Variants in TRPM3 observed in about 807,000 individuals in gnomAD.
The protein encoded by TRPM3 is long transient receptor potential channel 3.
A neutral mutation model predicts 181.2 loss-of-function variants in TRPM3; 77 were observed. The observed-to-expected ratio is 0.42, with a 90% CI of 0.35 to 0.51. TRPM3 has a LOEUF of 0.51. Ranked by LOEUF, TRPM3 falls within the 20% of genes least tolerant of loss-of-function variation. The pLI is 0.01. For missense variants in TRPM3, 1,759 were observed against 2,196.7 expected, an observed-to-expected ratio of 0.80 and a Z score of 3.98; for synonymous variants, 745 against 796.4, an observed-to-expected ratio of 0.94 and a Z score of 1.09.
intron 1 of TRPM3, among the ~76,000 whole-genome samples, chr9:71,332,106 A>C (rs538021188): frequency 6.6e-6 from 1 of 151,652 alleles, no homozygotes; most frequent in East Asian, 1.9e-4. Context: ...TCAAATAACA[A>C]AATCAACGTA....
intron 21 of TRPM3, among the ~76,000 whole-genome samples, chr9:70,596,288 C>T (rs931913348): frequency 1.3e-5 from 2 of 152,172 alleles, no homozygotes; most frequent in African/African-American, 2.4e-5. Flanking sequence ...AATTCTTCCT[C>T]TCTTTGCATG....
chr9:70,785,802 G>C (rs1588312745), intron 6 of TRPM3, among the ~76,000 whole-genome samples: 1 of 152,154 alleles, frequency 6.6e-6, no homozygotes, highest in East Asian at 1.9e-4. Flanking sequence ...TTAAAAGAAT[G>C]ATCCAAAATG....
intron 8 of TRPM3, among the ~76,000 whole-genome samples, chr9:70,760,406 C>T (rs1256204090): frequency 6.7e-6 from 1 of 148,616 alleles, no homozygotes; most frequent in African/African-American, 2.5e-5. Context: ...GAGCTAACGA[C>T]ATCCGAGATG....
chr9:70,881,454 C>T (rs2095991480), intron 1 of TRPM3, among the ~76,000 whole-genome samples: 1 of 152,166 alleles, frequency 6.6e-6, no homozygotes, highest in South Asian at 2.1e-4. Context: ...ACAGTGCATT[C>T]TGGGGCTCAG....
At chr9:71,356,798 C>A (rs925177092) in intron 1 of TRPM3, among the ~76,000 whole-genome samples, 21 of 152,050 alleles carry the variant, frequency 1.4e-4, no homozygotes, top group African/African-American at 4.6e-4. Flanking sequence ...CTTGTGTATT[C>A]CAGCCCCGAG....
chr9:71,145,890 A>C (rs554298592), intron 1 of TRPM3, among the ~76,000 whole-genome samples: 17 of 149,536 alleles, frequency 1.1e-4, no homozygotes, highest in African/African-American at 4.1e-4. Flanking sequence ...TTACTAAATT[A>C]CATTTTTCAG....
At chr9:71,306,848 G>A (rs1255862169) in intron 1 of TRPM3, among the ~76,000 whole-genome samples, 1 of 152,078 alleles carries the variant, frequency 6.6e-6, no homozygotes, top group Admixed American at 6.6e-5. Context: ...ACTCCAGCCT[G>A]GTGACAGAGC....
intron 1 of TRPM3, among the ~76,000 whole-genome samples, chr9:71,161,106 T>G (rs2076254195): frequency 6.6e-6 from 1 of 152,074 alleles, no homozygotes; most frequent in African/African-American, 2.4e-5. Context: ...TAAATGAAAA[T>G]TTTACTTTCT....
chr9:71,114,598 G>A (rs1036434215), intron 1 of TRPM3, among the ~76,000 whole-genome samples: 1 of 152,158 alleles, frequency 6.6e-6, no homozygotes, highest in African/African-American at 2.4e-5. Context: ...GTTAGTTTTT[G>A]AAGGTTGTGC....
chr9:70,663,824 A>C (rs2061447077), intron 9 of TRPM3, among the ~76,000 whole-genome samples: 1 of 152,156 alleles, frequency 6.6e-6, no homozygotes, highest in Non-Finnish European at 1.5e-5. Context: ...GTTACCCTTT[A>C]CTGGATAGCA....
intron 1 of TRPM3, among the ~76,000 whole-genome samples, chr9:70,952,882 G>A (rs776042288): frequency 6.6e-6 from 1 of 152,028 alleles, no homozygotes; most frequent in Non-Finnish European, 1.5e-5. Context: ...ACAGGGAAGC[G>A]ACAAAATTGA....
At chr9:71,176,378 T>G (rs948491294) in intron 1 of TRPM3, among the ~76,000 whole-genome samples, 5 of 152,126 alleles carry the variant, frequency 3.3e-5, no homozygotes, top group Admixed American at 6.6e-5. Flanking sequence ...ATTAAAACAT[T>G]TAAGAAGTAA....
At chr9:71,251,512 T>C (rs1355893644) in intron 1 of TRPM3, among the ~76,000 whole-genome samples, 1 of 152,208 alleles carries the variant, frequency 6.6e-6, no homozygotes, top group Non-Finnish European at 1.5e-5. Context: ...TAATTCATTG[T>C]ACCACAGAAT....
chr9:70,577,894 G>C (rs1046745672), intron 22 of TRPM3, among the ~76,000 whole-genome samples: 3 of 152,220 alleles, frequency 2.0e-5, no homozygotes, highest in African/African-American at 4.8e-5. Context: ...GGTGGCACGA[G>C]TGACTTTGAA....
At chr9:70,691,466 G>C (rs553180399) in intron 8 of TRPM3, among the ~76,000 whole-genome samples, 1 of 152,288 alleles carries the variant, frequency 6.6e-6, no homozygotes, top group East Asian at 1.9e-4. Flanking sequence ...TTGTCTTATA[G>C]ATTCAAGCAC....
Position 70,621,937 on chromosome 9 carries a change from A to G in TRPM3, c.1810-664T>C, listed in dbSNP as rs111493943. Reference sequence around the variant, plus strand: ...CTTCCATAACCATCTTGTTTGGGTGACACCTTCACAACATGTAGTATTTGA... The same window carrying G: ...CTTCCATAACCATCTTGTTTGGGTGGCACCTTCACAACATGTAGTATTTGA... On this transcript the variant is annotated intron_variant, in intron 14 of 25. Coordinates refer to ENST00000677713, the MANE Select transcript of TRPM3 (RefSeq NM_001366145.2). 7.3e-3 allele frequency among the ~76,000 whole-genome samples: 1,107 copies of G among 152,286 alleles called. 12 individuals carry two copies. The highest frequency in any genetic ancestry group is 0.025 in the African/African-American group (1,032 of 41,550).
intron 1 of TRPM3, among the ~76,000 whole-genome samples, chr9:71,444,177 C>CAAAAAAA (rs34011806): frequency 8.9e-6 from 1 of 112,936 alleles, no homozygotes; most frequent in Non-Finnish European, 1.7e-5. Flanking sequence ...GAATACATCT[C>CAAAAAAA]AAAAAAAAAA....
intron 1 of TRPM3, among the ~76,000 whole-genome samples, chr9:70,931,744 A>G (rs2096777193): frequency 6.6e-6 from 1 of 152,284 alleles, no homozygotes; most frequent in South Asian, 2.1e-4. Flanking sequence ...CTTTAAAATC[A>G]AAGTTTATAA....
intron 1 of TRPM3, among the ~76,000 whole-genome samples, chr9:70,904,456 G>C (rs899787340): frequency 2.0e-5 from 3 of 152,120 alleles, no homozygotes; most frequent in Admixed American, 6.5e-5. Context: ...TGGTTTCCAA[G>C]AGCTCAGCAG....
Sources: gnomAD v4.1 joint callset for allele counts (sites outside exome capture counted in the v4.1 genomes callset) on GRCh38, gnomAD v4.1.1 for gene constraint, MANE v1.5 for transcripts, NCBI Gene and HGNC (gene_info 2026-07-23, HGNC 2026-07-21) for gene names.